Variants in HHLA1 observed in about 807,000 individuals in gnomAD.
The protein encoded by HHLA1 is HERV-H LTR-associating protein 1.
In HHLA1, 72 loss-of-function variants were observed where a neutral mutation model predicts 69.9. The observed-to-expected ratio is 1.03, with a 90% CI of 0.85 to 1.25. The LOEUF is 1.25. HHLA1 is among the 50% of genes most tolerant of loss of function. The pLI is 0.00. For synonymous variants in HHLA1, 252 were observed against 233.2 expected (o/e 1.08, Z -0.73); for missense variants, 685 against 642.2 (o/e 1.07, Z -0.72).
chr8:132,101,620 C>T (rs1053721055), intron 3 of HHLA1, among the ~76,000 whole-genome samples: 1 of 151,356 alleles, frequency 6.6e-6, no homozygotes, highest in Non-Finnish European at 1.5e-5. Context: ...ACTCTGTTGC[C>T]CAGGCTGGAG....
intron 7 of HHLA1, among the ~76,000 whole-genome samples, chr8:132,090,708 C>T (rs1020714576): frequency 6.6e-6 from 1 of 151,518 alleles, no homozygotes; most frequent in Admixed American, 6.6e-5. Flanking sequence ...GGTATAGACA[C>T]CTGTATATGC....
At chr8:132,087,202 A>G (rs1823877891) in intron 10 of HHLA1, among the ~76,000 whole-genome samples, 1 of 152,254 alleles carries the variant, frequency 6.6e-6, no homozygotes, top group African/African-American at 2.4e-5. Flanking sequence ...GATGGAGACA[A>G]CAGCATGCCC....
At chr8:132,102,284 C>T (rs1004535585) in intron 3 of HHLA1, among the ~76,000 whole-genome samples, 13 of 152,200 alleles carry the variant, frequency 8.5e-5, no homozygotes, top group Admixed American at 7.9e-4. Flanking sequence ...TTTCTGATAC[C>T]ATGTTGAAAC....
chr8:132,099,988 A>G, intron 4 of HHLA1, 87 bp downstream of exon 4: 2 of 946,660 alleles, frequency 2.1e-6, no homozygotes, highest in East Asian at 5.2e-5. Context: ...CGTTCTCGCC[A>G]CTGTGGGAAA....
intron 2 of HHLA1, 57 bp downstream of exon 2, chr8:132,105,130 T>A: frequency 7.6e-7 from 1 of 1,320,600 alleles, no homozygotes; most frequent in Non-Finnish European, 1.1e-6. Flanking sequence ...TAAAGCACAG[T>A]GAATACTCCA....
intron 14 of HHLA1, among the ~76,000 whole-genome samples, chr8:132,072,126 G>A (rs1158816713): frequency 6.6e-6 from 1 of 152,150 alleles, no homozygotes. Context: ...TCCATCAAGT[G>A]AAAGTTAATT....
chr8:132,075,945 C>T, intron 14 of HHLA1, 110 bp downstream of exon 14: 1 of 762,044 alleles, frequency 1.3e-6, no homozygotes, highest in Non-Finnish European at 2.1e-6. Flanking sequence ...AGATTTGAAT[C>T]CCATGAGTCT....
In HHLA1 at chr8:132,065,472, C is replaced by T. The variant is rs143784861; in HGVS notation, c.1552+414G>A. ...AGTTTTTTTGTGTTTTTAGTAGAGA[C>T]GGGGTTTCACCATGTTAGCCAGGAT... is the stretch of plus-strand genomic sequence containing the variant. On this transcript the variant is annotated intron_variant, in intron 16 of 16. Coordinates refer to ENST00000414222, the MANE Select transcript of HHLA1 (RefSeq NM_001145095.3). 1.7e-3 allele frequency among the ~76,000 whole-genome samples: 257 copies of T among 152,278 alleles called. 1 individual carries two copies. The highest frequency in any genetic ancestry group is 5.7e-3 in the African/African-American group (237 of 41,566).
Position 132,071,513 on chromosome 8 carries a change from A to G in HHLA1, c.1316-20T>C, listed in dbSNP as rs1392238266. 9 of 1,550,246 alleles carry G rather than the reference A, an allele frequency of 5.8e-6. No homozygotes were observed. Among genetic ancestry groups the G allele is most frequent in the Non-Finnish European group, 5.2e-6 (6 of 1,146,168 alleles). ...GACACCCTAGAAGATGCAATCCCAG[A>G]CCAATTAAATCAGTAAGAGTTTAGT... is the stretch of plus-strand genomic sequence containing the variant. On this transcript the variant is annotated intron_variant, in intron 14 of 16. Coordinates refer to ENST00000414222, the MANE Select transcript of HHLA1 (RefSeq NM_001145095.3).
At chr8:132,082,340 G>A (rs989055179) in intron 10 of HHLA1, among the ~76,000 whole-genome samples, 1 of 152,218 alleles carries the variant, frequency 6.6e-6, no homozygotes, top group Non-Finnish European at 1.5e-5. Context: ...TGAGGGCTAG[G>A]CTAAAACAGT....
At chr8:132,106,840 G>T (rs1038954828) in intron 1 of HHLA1, among the ~76,000 whole-genome samples, 2 of 152,230 alleles carry the variant, frequency 1.3e-5, no homozygotes, top group African/African-American at 4.8e-5. Flanking sequence ...CCAGCAAAGG[G>T]TGACTGGGGG....
At chr8:132,070,330 G>A (rs576589336) in intron 15 of HHLA1, 8 of 701,928 alleles carry the variant, frequency 1.1e-5, no homozygotes, top group African/African-American at 1.0e-4. Flanking sequence ...TTTAATTTAA[G>A]TTTTCCAACT....
chr8:132,101,734 T>C (rs1824114565), intron 3 of HHLA1, among the ~76,000 whole-genome samples: 1 of 152,040 alleles, frequency 6.6e-6, no homozygotes, highest in East Asian at 1.9e-4. Flanking sequence ...CCACCACGCC[T>C]GGCTATTATT....
rs1041930044 is a variant in HHLA1 at position 132,100,140 on chromosome 8, A to C, written c.140-6T>G. ...TTCTTCTCTAAGGCCAGACACTGGGAAGGAGACAGTTTTCATGAGAAAAAT... is the reference window on the plus strand; with the variant it reads ...TTCTTCTCTAAGGCCAGACACTGGGCAGGAGACAGTTTTCATGAGAAAAAT... On this transcript the variant is annotated splice_region_variant and splice_polypyrimidine_tract_variant and intron_variant, in intron 3 of 16. Transcript: ENST00000414222. 2.6e-6 allele frequency: 4 copies of C among 1,548,096 alleles called. No homozygotes were observed. In the African/African-American group the frequency reaches 5.5e-5, roughly 21 times the overall value.
At chr8:132,075,947 C>T in intron 14 of HHLA1, 108 bp downstream of exon 14, 1 of 787,352 alleles carries the variant, frequency 1.3e-6, no homozygotes, top group South Asian at 1.9e-5. Flanking sequence ...ATTTGAATCC[C>T]ATGAGTCTGA....
At chr8:132,109,590 C>T (rs1361898169) in intron 1 of HHLA1, among the ~76,000 whole-genome samples, 1 of 152,134 alleles carries the variant, frequency 6.6e-6, no homozygotes, top group Non-Finnish European at 1.5e-5. Context: ...ATTTCAACTT[C>T]TCAAGCATCC....
intron 3 of HHLA1, among the ~76,000 whole-genome samples, chr8:132,103,735 TC>T (rs1824155159): frequency 6.6e-6 from 1 of 152,290 alleles, no homozygotes; most frequent in African/African-American, 2.4e-5. Context: ...AGAAACCTGT[TC>T]CCAGACTCCT....
At chr8:132,092,821 T>C (rs985830184) in intron 7 of HHLA1, among the ~76,000 whole-genome samples, 2 of 152,180 alleles carry the variant, frequency 1.3e-5, no homozygotes, top group African/African-American at 4.8e-5. Flanking sequence ...CTTTCTCCTC[T>C]TCATTGTAGC....
chr8:132,110,228 T>C (rs901888534), intron 1 of HHLA1, among the ~76,000 whole-genome samples: 4 of 152,118 alleles, frequency 2.6e-5, no homozygotes, highest in Non-Finnish European at 5.9e-5. Context: ...CTAGCCACAG[T>C]GAGTGACACA....
Sources: allele counts gnomAD v4.1 joint callset (sites outside exome capture counted in the v4.1 genomes callset), GRCh38; gene constraint gnomAD v4.1.1; transcripts MANE v1.5; gene names NCBI Gene and HGNC (gene_info 2026-07-23, HGNC 2026-07-21).